The following MAT2B variants were observed in gnomAD, a reference collection of about 807,000 sequenced individuals.
MAT2B encodes the protein methionine adenosyltransferase 2 subunit beta.
Under a neutral mutation model 36.1 loss-of-function variants are expected in MAT2B, and 16 were observed. That is an observed-to-expected ratio of 0.44 (90% CI 0.30 to 0.67). The LOEUF is 0.67. Ranked by LOEUF, MAT2B falls within the 30% of genes least tolerant of loss-of-function variation. MAT2B has a pLI of 0.09. For missense variants in MAT2B, 332 were observed against 398.2 expected, an observed-to-expected ratio of 0.83 and a Z score of 1.42; for synonymous variants, 148 against 136.9, an observed-to-expected ratio of 1.08 and a Z score of -0.57.
intron 1 of MAT2B, among the ~76,000 whole-genome samples, chr5:163,509,302 A>T (rs1561655979): frequency 6.6e-6 from 1 of 152,170 alleles, no homozygotes. Context: ...TTCTTTTTTA[A>T]GGGGGAAAGA....
chr5:163,513,802 T>C, intron 3 of MAT2B, 40 bp from the exon 4 acceptor site: 1 of 1,578,638 alleles, frequency 6.3e-7, no homozygotes, highest in South Asian at 1.1e-5. Context: ...AAGAGTAATG[T>C]CATGTAAACA....
chr5:163,518,315 T>C lies in MAT2B; in HGVS notation c.957T>C (p.Leu319=). 3.7e-6 allele frequency: 6 copies of C among 1,613,862 alleles called. No individual in the cohort carries two copies. Among genetic ancestry groups the C allele is most frequent in the African/African-American group, 1.3e-5 (1 of 75,010 alleles). ...TPFRIGIKES[L]WPFLIDKRWR... ...TTCGAATTGGAATCAAAGAATCACT[T>C]TGGCCTTTCCTCATTGACAAGAGAT... Residue 319 remains leucine, a synonymous_variant, in exon 7 of 7, where the codon CTT becomes CTC. Coordinates refer to ENST00000321757, the MANE Select transcript of MAT2B (RefSeq NM_013283.5).
chr5:163,508,453 G>T (rs535331024), intron 1 of MAT2B, among the ~76,000 whole-genome samples: 1 of 152,070 alleles, frequency 6.6e-6, no homozygotes, highest in East Asian at 1.9e-4. Flanking sequence ...GGCCAGGCTG[G>T]TTTTGAACCC....
At chr5:163,509,770 A>G (rs989736628) in intron 1 of MAT2B, among the ~76,000 whole-genome samples, 4 of 152,148 alleles carry the variant, frequency 2.6e-5, no homozygotes, top group Non-Finnish European at 4.4e-5. Flanking sequence ...ATCTTTGTAG[A>G]GCTGTTTTCT....
chr5:163,517,776 C>A, intron 6 of MAT2B, 102 bp downstream of exon 6: 2 of 683,960 alleles, frequency 2.9e-6, no homozygotes, highest in Non-Finnish European at 5.3e-6. Flanking sequence ...GTGAACTTTG[C>A]TTGTATGCTG....
intron 1 of MAT2B, among the ~76,000 whole-genome samples, chr5:163,511,200 C>A (rs1760034819): frequency 3.9e-5 from 6 of 152,106 alleles, no homozygotes; most frequent in Admixed American, 3.9e-4. Context: ...AAATATAAAT[C>A]TACATAATTC....
intron 1 of MAT2B, among the ~76,000 whole-genome samples, chr5:163,509,836 G>C (rs984823137): frequency 4.6e-5 from 7 of 152,168 alleles, no homozygotes; most frequent in African/African-American, 1.7e-4. Flanking sequence ...TCATAGATCA[G>C]TTGGTTTAGA....
chr5:163,518,110 A>T (rs929593548), intron 6 of MAT2B, 83 bp from the exon 7 acceptor site: 38 of 936,400 alleles, frequency 4.1e-5, no homozygotes, highest in African/African-American at 8.4e-5. Flanking sequence ...ATACATATTT[A>T]AAAAAAGGTC....
chr5:163,506,832 C>G (rs982970530), intron 1 of MAT2B, among the ~76,000 whole-genome samples: 1 of 152,130 alleles, frequency 6.6e-6, no homozygotes, highest in African/African-American at 2.4e-5. Flanking sequence ...ATGAAAATAG[C>G]TTTTCGTGTT....
chr5:163,503,798 C>A (rs1459643050), upstream of MAT2B, among the ~76,000 whole-genome samples: 4 of 152,178 alleles, frequency 2.6e-5, no homozygotes, highest in Non-Finnish European at 5.9e-5. Flanking sequence ...CTTTTAGTTT[C>A]AGGCTGCTCT....
chr5:163,505,152 C>A (rs1438586720), upstream of MAT2B, among the ~76,000 whole-genome samples: 2 of 151,992 alleles, frequency 1.3e-5, no homozygotes, highest in Non-Finnish European at 2.9e-5. Context: ...TATTCCTTGT[C>A]TTTTTCTAAA....
chr5:163,504,215 C>T (rs1325488079), upstream of MAT2B, among the ~76,000 whole-genome samples: 1 of 152,130 alleles, frequency 6.6e-6, no homozygotes, highest in Non-Finnish European at 1.5e-5. Context: ...GCTCCCCCGG[C>T]CCTCTTCCCG....
intron 6 of MAT2B, 199 bp from the exon 7 acceptor site, chr5:163,517,994 T>G (rs1760158912): frequency 1.9e-6 from 1 of 522,068 alleles, no homozygotes. Flanking sequence ...GGCTCATGCC[T>G]GTAATCCCAA....
Position 163,513,652 on chromosome 5 carries a change from A to G in MAT2B, c.356A>G (p.Asn119Ser). The G allele has an allele frequency of 6.2e-7, 1 of 1,613,006 alleles. No individual in the cohort carries two copies. Among genetic ancestry groups the G allele is most frequent in the Non-Finnish European group, 8.5e-7 (1 of 1,179,212 alleles). ...CAACTTAATGTGGATGCTTCTGGGA[A>G]TTTAGCAAAGGAAGCAGGTAATGAT... ...ASQLNVDASG[N>S]LAKEAAAVGA... The change falls in exon 3 of 7, where the codon AAT (asparagine) becomes AGT (serine). Residue 119 changes from asparagine (N) to serine (S), a missense_variant. Transcript: ENST00000321757.
Position 163,513,922 on chromosome 5 carries a change from A to T in MAT2B, c.454A>T (p.Ile152Leu). 1 of 1,613,732 alleles carries T rather than the reference A, an allele frequency of 6.2e-7. No homozygotes were observed. ...GTNPPYREED[I>L]PAPLNLYGKT... ...AAATCCACCTTACAGAGAGGAAGACATACCAGCTCCCCTAAATTTGTATGG... is the reference window on the plus strand; with the variant it reads ...AAATCCACCTTACAGAGAGGAAGACTTACCAGCTCCCCTAAATTTGTATGG... The change falls in exon 4 of 7, where the codon ATA becomes TTA. Residue 152 changes from isoleucine (I) to leucine (L), a missense_variant. Ile to Leu is a conservative substitution (Grantham distance 5). Transcript: ENST00000321757.
At chr5:163,509,764 T>C (rs955723215) in intron 1 of MAT2B, among the ~76,000 whole-genome samples, 1 of 152,224 alleles carries the variant, frequency 6.6e-6, no homozygotes, top group Non-Finnish European at 1.5e-5. Flanking sequence ...AGTTCAATCT[T>C]TGTAGAGCTG....
chr5:163,503,219 CT>C, upstream of MAT2B: 2 of 615,350 alleles, frequency 3.3e-6, no homozygotes, highest in Non-Finnish European at 6.0e-6. Context: ...ATGTGGAGAA[CT>C]GCACGAGATT....
chr5:163,518,409 T>A lies in MAT2B; in HGVS notation c.*46T>A, dbSNP rs747946535. ...TTTTTTTTTTAAATGAAAAGTATAG[T>A]ATGTGGCACTTTTTAAAGAACAAAG... On this transcript the variant is annotated 3_prime_UTR_variant, in exon 7 of 7. Transcript: ENST00000321757. 6.7e-7 allele frequency: 1 copy of A among 1,489,988 alleles called. No homozygotes were observed. The highest frequency in any genetic ancestry group is 2.1e-5 in the Admixed American group (1 of 46,660). The allele number at this position is 1,489,988 out of a possible 1,614,324, so 92.3% of individuals were successfully genotyped here. A position where few individuals can be genotyped will look rare whatever the true frequency, so the allele number is the denominator to read the frequency against.
chr5:163,509,307 G>A (rs1759998605), intron 1 of MAT2B, among the ~76,000 whole-genome samples: 1 of 152,160 alleles, frequency 6.6e-6, no homozygotes, highest in Admixed American at 6.5e-5. Context: ...TTTTAAGGGG[G>A]AAAGATACTG....
Sources: allele counts gnomAD v4.1 joint callset (sites outside exome capture counted in the v4.1 genomes callset), GRCh38; gene constraint gnomAD v4.1.1; transcripts MANE v1.5; gene names NCBI Gene and HGNC (gene_info 2026-07-23, HGNC 2026-07-21).